The following TEAD4 variants were observed in gnomAD, a reference collection of about 807,000 sequenced individuals.
TEAD4 encodes TEA domain transcription factor 4, also known as transcriptional enhancer factor TEF-3.
A neutral mutation model predicts 52.4 loss-of-function variants in TEAD4; 36 were observed. That is an observed-to-expected ratio of 0.69 (90% confidence interval 0.53 to 0.91). The LOEUF (loss-of-function observed/expected upper bound fraction) is 0.91. Ranked by LOEUF, TEAD4 falls within the 40% of genes least tolerant of loss-of-function variation. TEAD4 has a pLI of 0.00. For synonymous variants in TEAD4, 220 were observed against 231.0 expected (o/e 0.95, Z 0.43); for missense variants, 508 against 583.9 (o/e 0.87, Z 1.34).
chr12:3,022,367 G>A (rs537815520), intron 10 of TEAD4, among the ~76,000 whole-genome samples: 42 of 152,334 alleles, frequency 2.8e-4, no homozygotes, highest in Admixed American at 2.5e-3. Context: ...GAGCGCCCTT[G>A]TCACCCAGGT....
intron 10 of TEAD4, among the ~76,000 whole-genome samples, chr12:3,022,378 C>G (rs1302717785): frequency 1.3e-5 from 2 of 152,196 alleles, no homozygotes; most frequent in African/African-American, 4.8e-5. Flanking sequence ...TCACCCAGGT[C>G]TTTGAATGAC....
chr12:2,975,065 T>C (rs1007887943), intron 2 of TEAD4, among the ~76,000 whole-genome samples: 1 of 152,132 alleles, frequency 6.6e-6, no homozygotes, highest in Non-Finnish European at 1.5e-5. Context: ...ATTTCACTTT[T>C]AAAATTTTGT....
chr12:3,038,975 GCCAGTCTTCGTC>G (rs1377769422), intron 11 of TEAD4, among the ~76,000 whole-genome samples: 1 of 152,176 alleles, frequency 6.6e-6, no homozygotes, highest in African/African-American at 2.4e-5. Flanking sequence ...CACCGTGCAG[GCCAGTCTTCGTC>G]CCTCTCCTCA....
At chr12:2,963,557 G>T (rs996631427) in intron 2 of TEAD4, among the ~76,000 whole-genome samples, 12 of 152,222 alleles carry the variant, frequency 7.9e-5, no homozygotes, top group East Asian at 5.8e-4. Context: ...AGGTGGAGGT[G>T]GGGGCAGGGC....
At chr12:2,973,336 G>T (rs1030815577) in intron 2 of TEAD4, among the ~76,000 whole-genome samples, 2 of 152,204 alleles carry the variant, frequency 1.3e-5, no homozygotes, top group African/African-American at 4.8e-5. Flanking sequence ...TCCCACAGTT[G>T]TGGGTGTGTG....
intron 3 of TEAD4, among the ~76,000 whole-genome samples, chr12:2,999,135 C>T (rs1342625465): frequency 6.6e-6 from 1 of 152,146 alleles, no homozygotes; most frequent in East Asian, 1.9e-4. Flanking sequence ...AATGGGAGGC[C>T]GAGCTGAGAG....
intron 3 of TEAD4, among the ~76,000 whole-genome samples, chr12:3,000,495 C>G (rs184551786): frequency 6.6e-6 from 1 of 152,240 alleles, no homozygotes; most frequent in East Asian, 1.9e-4. Context: ...CCCAGTCCCA[C>G]TCCTGCGCTC....
Position 3,017,386 on chromosome 12 carries a change from T to C in TEAD4, c.355-12T>C. ...ACCCTGCTGAGGTCCTCCCTTGCAA[T>C]GTCTCCCCCAGGACCAGGCAGCTAA... On this transcript the variant is annotated splice_polypyrimidine_tract_variant and intron_variant, in intron 5 of 12. Transcript: ENST00000359864. The C allele has an allele frequency of 6.2e-7, 1 of 1,614,004 alleles. No individual in the cohort carries two copies. Among genetic ancestry groups the C allele is most frequent in the Non-Finnish European group, 8.5e-7 (1 of 1,179,994 alleles).
chr12:2,995,920 A>G (rs1341738339), intron 3 of TEAD4, among the ~76,000 whole-genome samples: 1 of 151,592 alleles, frequency 6.6e-6, no homozygotes, highest in Non-Finnish European at 1.5e-5. Flanking sequence ...AGGCAGAAAG[A>G]TCTCTTGAGG....
intron 2 of TEAD4, among the ~76,000 whole-genome samples, chr12:2,992,308 T>C (rs1268798558): frequency 2.0e-5 from 3 of 152,072 alleles, no homozygotes; most frequent in Admixed American, 2.0e-4. Flanking sequence ...TGTGAGCCAC[T>C]GCGCCCGGCT....
At chr12:2,991,004 G>T (rs2098242539) in intron 2 of TEAD4, among the ~76,000 whole-genome samples, 1 of 152,112 alleles carries the variant, frequency 6.6e-6, no homozygotes, top group African/African-American at 2.4e-5. Flanking sequence ...AGGCAACCTA[G>T]TGAGACCTCT....
At chr12:3,013,195 T>C (rs886122087) in intron 5 of TEAD4, among the ~76,000 whole-genome samples, 2 of 152,056 alleles carry the variant, frequency 1.3e-5, no homozygotes, top group Non-Finnish European at 1.5e-5. Context: ...CAAGAGATCT[T>C]CCTGCCTTGG....
At chr12:2,999,984 C>G (rs912487335) in intron 3 of TEAD4, among the ~76,000 whole-genome samples, 1 of 152,154 alleles carries the variant, frequency 6.6e-6, no homozygotes, top group Non-Finnish European at 1.5e-5. Flanking sequence ...TTCCCTGCCT[C>G]TCTCTCTGCT....
At chr12:3,031,906 C>T (rs1001555602) in intron 10 of TEAD4, among the ~76,000 whole-genome samples, 13 of 152,048 alleles carry the variant, frequency 8.5e-5, no homozygotes, top group Non-Finnish European at 1.6e-4. Context: ...CACTGGCTGC[C>T]CTCCATGCAG....
chr12:3,021,707 T>C, intron 9 of TEAD4, 137 bp from the exon 10 acceptor site: 1 of 807,388 alleles, frequency 1.2e-6, no homozygotes, highest in Admixed American at 2.8e-5. Context: ...ACCATCTCTA[T>C]TTTACTCATG....
At chr12:2,999,167 C>T (rs142267616) in intron 3 of TEAD4, among the ~76,000 whole-genome samples, 6 of 152,288 alleles carry the variant, frequency 3.9e-5, no homozygotes, top group African/African-American at 1.4e-4. Flanking sequence ...CTCAGCTCAC[C>T]GTGGCTGCTC....
rs115793613 is a variant in TEAD4, at chr12:2,973,138, C to T, written c.-30+13098C>T. On this transcript the variant is annotated intron_variant, in intron 2 of 12. Coordinates refer to ENST00000359864, the MANE Select transcript of TEAD4 (RefSeq NM_003213.4). ...CTTTGCTTCTTTCACTCAGCAAGGT[C>T]ATAGCTCACTGCAGCCTTGACCACC... 1.1e-3 allele frequency among the ~76,000 whole-genome samples: 172 copies of T among 152,318 alleles called. 1 individual carries two copies. Among genetic ancestry groups the T allele is most frequent in the African/African-American group, 3.9e-3 (162 of 41,570 alleles).
intron 3 of TEAD4, among the ~76,000 whole-genome samples, chr12:3,009,414 G>A (rs530006170): frequency 6.6e-6 from 1 of 152,340 alleles, no homozygotes; most frequent in East Asian, 1.9e-4. Flanking sequence ...TGGGGGACAA[G>A]AGCGAGACTT....
chr12:2,967,725 C>A (rs2098221573), intron 2 of TEAD4, among the ~76,000 whole-genome samples: 1 of 152,170 alleles, frequency 6.6e-6, no homozygotes, highest in African/African-American at 2.4e-5. Flanking sequence ...CTGCCTTCAT[C>A]ATCTCATTTC....
Sources: allele counts gnomAD v4.1 joint callset (sites outside exome capture counted in the v4.1 genomes callset), GRCh38; gene constraint gnomAD v4.1.1; transcripts MANE v1.5; gene names NCBI Gene and HGNC (gene_info 2026-07-23, HGNC 2026-07-21).